BLNK: variants seen among roughly 807,000 people sequenced by gnomAD.
The protein encoded by BLNK is B cell linker.
Under a neutral mutation model 73.5 loss-of-function variants are expected in BLNK, and 29 were observed. That is an observed-to-expected ratio of 0.39 (90% CI 0.29 to 0.54). The LOEUF (loss-of-function observed/expected upper bound fraction) is 0.54, where lower values mean the gene tolerates loss of function less well. Among genes scored for constraint, BLNK ranks in the 20% least tolerant of loss-of-function variants. The pLI is 0.61. For missense variants in BLNK, 460 were observed against 562.8 expected, an observed-to-expected ratio of 0.82 and a Z score of 1.85; for synonymous variants, 176 against 200.8, an observed-to-expected ratio of 0.88 and a Z score of 1.04.
In BLNK at chr10:96,231,500, G is replaced by A. The variant is rs587685784; in HGVS notation, c.164-666C>T. Among the ~76,000 whole-genome samples the A allele has an allele frequency of 8.5e-5, 13 of 152,312 alleles. No individual in the cohort carries two copies. The East Asian group carries it at 2.3e-3, about 27-fold the overall frequency. On this transcript the variant is annotated intron_variant, in intron 3 of 16. Coordinates refer to ENST00000224337, the MANE Select transcript of BLNK (RefSeq NM_013314.4). ...CCAGCACTTTGAGAGGCCAAGGCAG[G>A]AGGGTTGCTTGAGCCCAGGAGTTCA...
chr10:96,250,589 G>A (rs1025646131), intron 1 of BLNK, among the ~76,000 whole-genome samples: 3 of 152,184 alleles, frequency 2.0e-5, no homozygotes, highest in Non-Finnish European at 4.4e-5. Flanking sequence ...ACCAGGTTGA[G>A]GAGCAAAATG....
At position 96,223,896 on chromosome 10, in the gene BLNK, G is replaced by A; in HGVS notation, c.455C>T (p.Thr152Ile). 1 of 1,613,868 alleles carries A rather than the reference G, an allele frequency of 6.2e-7. No homozygotes were observed. Among genetic ancestry groups the A allele is most frequent in the East Asian group, 2.2e-5 (1 of 44,884 alleles). The change falls in exon 6 of 17, where the codon ACC becomes ATC. Residue 152 changes from threonine (T) to isoleucine (I), a missense_variant. Thr to Ile is a moderately conservative substitution (Grantham distance 89, BLOSUM62 -1). Coordinates refer to ENST00000224337, the MANE Select transcript of BLNK (RefSeq NM_013314.4). ...CTGCAAAGCAGTCAGGGCCGGCAGG[G>A]TGGAGGTGAGCCTTGCTTTCTCTGA... ...WPSEKARLTS[T>I]LPALTALQKP...
intron 1 of BLNK, among the ~76,000 whole-genome samples, chr10:96,270,658 C>T (rs1554915449): frequency 6.6e-6 from 1 of 151,932 alleles, no homozygotes; most frequent in Non-Finnish European, 1.5e-5. Context: ...AACTGCACTC[C>T]CAGAACTTTA....
chr10:96,247,848 A>G (rs1356424705), intron 1 of BLNK, among the ~76,000 whole-genome samples: 2 of 152,226 alleles, frequency 1.3e-5, no homozygotes, highest in African/African-American at 2.4e-5. Flanking sequence ...CTTCATTTAC[A>G]TAGGATGTAA....
intron 1 of BLNK, among the ~76,000 whole-genome samples, chr10:96,252,049 T>A (rs955317848): frequency 5.9e-5 from 9 of 151,960 alleles, no homozygotes; most frequent in Non-Finnish European, 1.2e-4. Context: ...TGTTTTTATT[T>A]TTATTATTAT....
Position 96,230,927 on chromosome 10 carries a change from T to G in BLNK, c.164-93A>C, listed in dbSNP as rs141023526. 90 of 1,344,210 alleles carry G rather than the reference T, an allele frequency of 6.7e-5. 1 individual carries two copies. The African/African-American group carries it at 1.1e-3, about 16-fold the overall frequency. 83.3% of individuals were successfully genotyped at this position (1,344,210 alleles called of 1,614,324 possible). On this transcript the variant is annotated intron_variant, in intron 3 of 16. Coordinates refer to ENST00000224337, the MANE Select transcript of BLNK (RefSeq NM_013314.4). ...CACACATTTCGCACCTGCCTTCCCT[T>G]CCCTTTGGGCTTTCTGGTGCCATAT... is the stretch of plus-strand genomic sequence containing the variant.
At chr10:96,261,997 C>T (rs1554913004) in intron 1 of BLNK, among the ~76,000 whole-genome samples, 1 of 152,166 alleles carries the variant, frequency 6.6e-6, no homozygotes, top group African/African-American at 2.4e-5. Context: ...TCCAAGCACC[C>T]TTGGTCATAG....
At chr10:96,197,374 A>G (rs2083494140) in intron 15 of BLNK, among the ~76,000 whole-genome samples, 1 of 152,144 alleles carries the variant, frequency 6.6e-6, no homozygotes, top group Non-Finnish European at 1.5e-5. Context: ...GTGCAATCAC[A>G]GTCCACTACA....
intron 12 of BLNK, 182 bp from the exon 13 acceptor site, chr10:96,204,270 T>G: frequency 1.3e-6 from 1 of 770,300 alleles, no homozygotes; most frequent in Non-Finnish European, 2.1e-6. Context: ...GACTCTTCCT[T>G]TTAGTTTTGA....
intron 9 of BLNK, among the ~76,000 whole-genome samples, chr10:96,208,695 G>A (rs185310857): frequency 8.5e-5 from 13 of 152,138 alleles, no homozygotes; most frequent in Admixed American, 6.5e-4. Context: ...TCTCTCTCTC[G>A]CTTTGTTTTC....
intron 3 of BLNK, among the ~76,000 whole-genome samples, chr10:96,242,215 G>C (rs1470520230): frequency 8.5e-5 from 13 of 152,128 alleles, no homozygotes; most frequent in Admixed American, 7.9e-4. Flanking sequence ...TTTTATCCAG[G>C]GTTTCCCCTT....
At chr10:96,204,849 TTC>T (rs1242890830) in intron 11 of BLNK, 1 of 487,034 alleles carries the variant, frequency 2.1e-6, no homozygotes, top group East Asian at 4.1e-5. Context: ...CACCTCTGCA[TTC>T]ATCCACTGGC....
chr10:96,247,188 T>G, intron 1 of BLNK, 139 bp from the exon 2 acceptor site: 1 of 596,024 alleles, frequency 1.7e-6, no homozygotes, highest in South Asian at 2.3e-5. Flanking sequence ...TATATTGTAT[T>G]TAATTAAATT....
intron 3 of BLNK, among the ~76,000 whole-genome samples, chr10:96,238,461 G>A (rs1395040500): frequency 6.6e-6 from 1 of 152,188 alleles, no homozygotes; most frequent in Non-Finnish European, 1.5e-5. Flanking sequence ...CACAGGGCAC[G>A]TGATTGGCCT....
chr10:96,204,099 G>T lies in BLNK; in HGVS notation c.903-11C>A, dbSNP rs943669594. The T allele has an allele frequency of 1.2e-6, 2 of 1,613,638 alleles. No individual in the cohort carries two copies. Among genetic ancestry groups the T allele is most frequent in the African/African-American group, 2.7e-5 (2 of 74,914 alleles). On this transcript the variant is annotated splice_polypyrimidine_tract_variant and intron_variant, in intron 12 of 16. Coordinates refer to ENST00000224337, the MANE Select transcript of BLNK (RefSeq NM_013314.4). ...TTTTGGTGGATTTGTCTGCAAGAAA[G>T]AATTTCAGATAATTAAAGGACAAAG...
chr10:96,189,529 T>A lies in BLNK; in HGVS notation c.*2444A>T. 1 of 654,024 alleles carries A rather than the reference T, an allele frequency of 1.5e-6. No individual in the cohort carries two copies. The highest frequency in any genetic ancestry group is 3.4e-5 in the East Asian group (1 of 29,614). 40.5% of individuals were successfully genotyped at this position (654,024 alleles called of 1,614,324 possible). A position where few individuals can be genotyped will look rare whatever the true frequency, so the allele number is the denominator to read the frequency against. Reference sequence around the variant, plus strand: ...ATGTCTTCTACAGAACTAGGCCCTTTTGGTGTTTTACGAGTTTTTTCCTGT... The same window carrying A: ...ATGTCTTCTACAGAACTAGGCCCTTATGGTGTTTTACGAGTTTTTTCCTGT... On this transcript the variant is annotated 3_prime_UTR_variant, in exon 17 of 17. Coordinates refer to ENST00000224337, the MANE Select transcript of BLNK (RefSeq NM_013314.4).
chr10:96,194,831 C>T (rs987007891), intron 16 of BLNK, among the ~76,000 whole-genome samples: 3 of 135,414 alleles, frequency 2.2e-5, no homozygotes, highest in Non-Finnish European at 3.1e-5. Context: ...AGTGCAGTGG[C>T]GCGATCTCGA....
intron 5 of BLNK, among the ~76,000 whole-genome samples, chr10:96,225,793 C>G (rs1351456617): frequency 6.6e-6 from 1 of 152,114 alleles, no homozygotes; most frequent in Non-Finnish European, 1.5e-5. Flanking sequence ...CTGGCATGCA[C>G]CACCATGCCC....
chr10:96,235,703 C>G (rs587652604), intron 3 of BLNK, among the ~76,000 whole-genome samples: 1 of 151,986 alleles, frequency 6.6e-6, no homozygotes, highest in Non-Finnish European at 1.5e-5. Context: ...GAGGTGGGGC[C>G]GAATGGGGCC....
Sources: allele counts gnomAD v4.1 joint callset (sites outside exome capture counted in the v4.1 genomes callset), GRCh38; gene constraint gnomAD v4.1.1; transcripts MANE v1.5; gene names NCBI Gene and HGNC (gene_info 2026-07-23, HGNC 2026-07-21).